Variants in TAFA1 observed in about 807,000 individuals in gnomAD.
The protein encoded by TAFA1 is TAFA chemokine like family member 1, also known as chemokine-like protein TAFA-1.
Under a neutral mutation model 18.5 loss-of-function variants are expected in TAFA1, and 4 were observed. The ratio of observed to expected loss-of-function variants is 0.22; its 90% CI spans 0.11 to 0.49. The LOEUF (loss-of-function observed/expected upper bound fraction) is 0.49. Ranked by LOEUF, TAFA1 falls within the 20% of genes least tolerant of loss-of-function variation. The pLI, the probability that TAFA1 is intolerant of heterozygous loss-of-function variation, is 0.98. For missense variants in TAFA1, 147 were observed against 169.0 expected (o/e 0.87, Z 0.72); for synonymous variants, 56 against 55.2 (o/e 1.01, Z -0.06).
intron 2 of TAFA1, among the ~76,000 whole-genome samples, chr3:68,259,379 T>C (rs1292356432): frequency 6.6e-6 from 1 of 152,144 alleles, no homozygotes; most frequent in Non-Finnish European, 1.5e-5. Flanking sequence ...ATAGAAAAAG[T>C]GAATTTATTC....
intron 2 of TAFA1, among the ~76,000 whole-genome samples, chr3:68,118,444 G>A (rs548439809): frequency 7.4e-4 from 113 of 152,214 alleles, no homozygotes; most frequent in African/African-American, 2.7e-3. Context: ...TGTATGGCCC[G>A]GTTCCTAACA....
At chr3:68,450,069 TC>T (rs1197936143) in intron 3 of TAFA1, among the ~76,000 whole-genome samples, 1 of 152,054 alleles carries the variant, frequency 6.6e-6, no homozygotes, top group Non-Finnish European at 1.5e-5. Context: ...ATTGCCATGA[TC>T]CACACAAGGA....
intron 2 of TAFA1, among the ~76,000 whole-genome samples, chr3:68,075,457 A>T (rs188644895): frequency 5.6e-4 from 86 of 152,336 alleles, no homozygotes; most frequent in Non-Finnish European, 1.0e-3. Flanking sequence ...CAGTGGAATT[A>T]TAATGAATTG....
At chr3:68,213,791 C>A (rs941692460) in intron 2 of TAFA1, among the ~76,000 whole-genome samples, 1 of 152,072 alleles carries the variant, frequency 6.6e-6, no homozygotes, top group African/African-American at 2.4e-5. Context: ...GTGTACCCAG[C>A]TTAGAACTTC....
At chr3:68,432,208 G>C (rs1050378098) in intron 3 of TAFA1, among the ~76,000 whole-genome samples, 5 of 151,894 alleles carry the variant, frequency 3.3e-5, no homozygotes, top group Non-Finnish European at 7.4e-5. Context: ...AGCTGGGAAG[G>C]ACAACAGGAG....
intron 3 of TAFA1, among the ~76,000 whole-genome samples, chr3:68,497,185 G>C (rs1171008242): frequency 1.3e-5 from 2 of 152,132 alleles, no homozygotes; most frequent in African/African-American, 4.8e-5. Flanking sequence ...ATGCTTTCAA[G>C]ATATGTTCTA....
chr3:68,141,544 G>A (rs2065667241), intron 2 of TAFA1, among the ~76,000 whole-genome samples: 1 of 152,160 alleles, frequency 6.6e-6, no homozygotes, highest in Non-Finnish European at 1.5e-5. Context: ...CTGGTGGGAT[G>A]CCCACTGCCC....
At chr3:68,537,272 TAAAAG>T (rs1237708984) in intron 3 of TAFA1, among the ~76,000 whole-genome samples, 2 of 152,142 alleles carry the variant, frequency 1.3e-5, no homozygotes, top group Non-Finnish European at 2.9e-5. Flanking sequence ...GGCAGGTTAA[TAAAAG>T]AAAAGGCATA....
At chr3:68,019,342 C>G (rs184296093) in intron 2 of TAFA1, among the ~76,000 whole-genome samples, 1 of 152,114 alleles carries the variant, frequency 6.6e-6, no homozygotes, top group South Asian at 2.1e-4. Flanking sequence ...GTTATTGTTT[C>G]CCAATAAATT....
chr3:68,068,598 G>T (rs1366254708), intron 2 of TAFA1, among the ~76,000 whole-genome samples: 2 of 152,132 alleles, frequency 1.3e-5, no homozygotes, highest in Admixed American at 1.3e-4. Context: ...TTCCCCTGTG[G>T]TTTACCTAAG....
At position 68,190,043 on chromosome 3, in the gene TAFA1, C is replaced by T. The variant is rs184406203; in HGVS notation, c.118+183299C>T. On this transcript the variant is annotated intron_variant, in intron 2 of 4. Coordinates refer to ENST00000478136, the MANE Select transcript of TAFA1 (RefSeq NM_213609.4). ...TACTGTGGTTGAATGAATTGTCTTT[C>T]TTCACTTGAGGGAAATTCTGTCAAA... Among the ~76,000 whole-genome samples the T allele has an allele frequency of 1.9e-3, 287 of 152,026 alleles. 2 individuals carry two copies. Among genetic ancestry groups the T allele is most frequent in the Non-Finnish European group, 3.3e-3 (227 of 67,904 alleles).
intron 2 of TAFA1, among the ~76,000 whole-genome samples, chr3:68,033,359 C>T: frequency 6.6e-6 from 1 of 152,248 alleles, no homozygotes. Context: ...AACATTCTAC[C>T]TCAAAAAAGT....
At chr3:68,312,585 C>A (rs1023839902) in intron 2 of TAFA1, among the ~76,000 whole-genome samples, 2 of 152,094 alleles carry the variant, frequency 1.3e-5, no homozygotes, top group Non-Finnish European at 2.9e-5. Flanking sequence ...CAGTTCCCAA[C>A]AAGTTCTTCA....
At chr3:68,407,736 T>C (rs1007500367) in intron 2 of TAFA1, among the ~76,000 whole-genome samples, 1 of 152,138 alleles carries the variant, frequency 6.6e-6, no homozygotes, top group Non-Finnish European at 1.5e-5. Flanking sequence ...GGCTCTGGAA[T>C]CTGTGATCCT....
At chr3:68,216,777 A>G (rs963595843) in intron 2 of TAFA1, among the ~76,000 whole-genome samples, 12 of 152,108 alleles carry the variant, frequency 7.9e-5, no homozygotes, top group African/African-American at 2.9e-4. Context: ...ATAATCGCAG[A>G]GTCAAAGGGA....
At chr3:68,527,879 T>C (rs965793367) in intron 3 of TAFA1, among the ~76,000 whole-genome samples, 11 of 152,176 alleles carry the variant, frequency 7.2e-5, no homozygotes, top group South Asian at 4.1e-4. Flanking sequence ...CATTTCACAA[T>C]CCATGTCCTC....
At chr3:68,118,601 T>C (rs1453389140) in intron 2 of TAFA1, among the ~76,000 whole-genome samples, 3 of 152,234 alleles carry the variant, frequency 2.0e-5, no homozygotes, top group Non-Finnish European at 4.4e-5. Flanking sequence ...CTGTAGACAC[T>C]TCAAATAACT....
chr3:68,439,126 T>C (rs1575867640), intron 3 of TAFA1, among the ~76,000 whole-genome samples: 1 of 152,016 alleles, frequency 6.6e-6, no homozygotes, highest in Non-Finnish European at 1.5e-5. Context: ...ACACCATTGG[T>C]TTTTCTCTCC....
At chr3:68,161,184 T>C (rs929117506) in intron 2 of TAFA1, among the ~76,000 whole-genome samples, 41 of 152,204 alleles carry the variant, frequency 2.7e-4, no homozygotes, top group Non-Finnish European at 2.4e-4. Flanking sequence ...AATTTTCCCA[T>C]AGAAGGTATA....
Sources: gnomAD v4.1 joint callset for allele counts (sites outside exome capture counted in the v4.1 genomes callset) on GRCh38, gnomAD v4.1.1 for gene constraint, MANE v1.5 for transcripts, NCBI Gene and HGNC (gene_info 2026-07-23, HGNC 2026-07-21) for gene names.